BEAN1: variants seen among roughly 807,000 people sequenced by gnomAD.
The protein encoded by BEAN1 is protein BEAN1.
In BEAN1, 17 loss-of-function variants were observed where a neutral mutation model predicts 17.7. That is an observed-to-expected ratio of 0.96 (90% CI 0.66 to 1.44). The LOEUF is 1.44. BEAN1 is among the 40% of genes most tolerant of loss of function. BEAN1 has a pLI of 0.00. For synonymous variants in BEAN1, 142 were observed against 151.8 expected, an observed-to-expected ratio of 0.94 and a Z score of 0.47; for missense variants, 359 against 374.1, an observed-to-expected ratio of 0.96 and a Z score of 0.33.
exon 5 of BEAN1, chr16:66,493,144 T>C: frequency 1.4e-6 from 1 of 702,974 alleles, no homozygotes; most frequent in South Asian, 1.5e-5. Context: ...GGGTCTCATG[T>C]GAAGCCGTTC....
At position 66,475,371 on chromosome 16, in the gene BEAN1, C is replaced by T. The variant is rs141621501; in HGVS notation, c.290-2189C>T. Among the ~76,000 whole-genome samples the T allele has an allele frequency of 4.2e-3, 646 of 152,348 alleles. 3 individuals carry two copies. Among genetic ancestry groups the T allele is most frequent in the Middle Eastern group, 0.017 (5 of 294 alleles). On this transcript the variant is annotated intron_variant, in intron 3 of 4. Transcript: ENST00000536005. ...CAGCCCAAGAAGAAAGGGTAGATAGCAGTTTGCTCCAGCTCTAACAGCCCT... is the reference window on the plus strand; with the variant it reads ...CAGCCCAAGAAGAAAGGGTAGATAGTAGTTTGCTCCAGCTCTAACAGCCCT...
chr16:66,479,874 G>C (rs1223872573), intron 4 of BEAN1, among the ~76,000 whole-genome samples: 1 of 152,042 alleles, frequency 6.6e-6, no homozygotes, highest in Non-Finnish European at 1.5e-5. Context: ...CTGCCCTCAG[G>C]GCCCTCAAGC....
At chr16:66,452,084 A>T (rs940336048) in intron 2 of BEAN1, among the ~76,000 whole-genome samples, 2 of 152,204 alleles carry the variant, frequency 1.3e-5, no homozygotes, top group Admixed American at 1.3e-4. Context: ...TCCACATGCC[A>T]TGAACCTCAT....
At chr16:66,494,343 C>A (rs1325080785), downstream of BEAN1, among the ~76,000 whole-genome samples, 1 of 152,142 alleles carries the variant, frequency 6.6e-6, no homozygotes, top group African/African-American at 2.4e-5. Context: ...CTTGTGTGAC[C>A]TTGGGCAACT....
intron 2 of BEAN1, among the ~76,000 whole-genome samples, chr16:66,469,006 C>T (rs1963362656): frequency 3.9e-5 from 6 of 152,180 alleles, no homozygotes; most frequent in Admixed American, 3.3e-4. Flanking sequence ...GAATGCCTCT[C>T]CCTGCCTTCC....
At chr16:66,449,437 G>A (rs1476906037) in intron 2 of BEAN1, among the ~76,000 whole-genome samples, 2 of 151,726 alleles carry the variant, frequency 1.3e-5, no homozygotes, top group African/African-American at 2.4e-5. Flanking sequence ...GAGAAACCCC[G>A]TCTCTACTAA....
At chr16:66,447,489 A>G (rs1567489141) in intron 2 of BEAN1, among the ~76,000 whole-genome samples, 1 of 152,136 alleles carries the variant, frequency 6.6e-6, no homozygotes, top group Non-Finnish European at 1.5e-5. Flanking sequence ...TTTATCCTAC[A>G]GTGACTGTTG....
At chr16:66,480,412 G>A (rs1597050235) in intron 4 of BEAN1, among the ~76,000 whole-genome samples, 174 bp from the exon 5 acceptor site, 1 of 152,170 alleles carries the variant, frequency 6.6e-6, no homozygotes, top group Non-Finnish European at 1.5e-5. Flanking sequence ...GGGTTCTGAG[G>A]TCCCCCTCTG....
chr16:66,472,886 A>G (rs144391534), intron 3 of BEAN1, among the ~76,000 whole-genome samples: 396 of 151,246 alleles, frequency 2.6e-3, no homozygotes, highest in African/African-American at 9.1e-3. Context: ...TCCAGGTGTG[A>G]TGGCACATGC....
At chr16:66,465,506 A>G (rs897211989) in intron 2 of BEAN1, among the ~76,000 whole-genome samples, 7 of 152,218 alleles carry the variant, frequency 4.6e-5, no homozygotes, top group Admixed American at 4.6e-4. Flanking sequence ...GATAAAATAT[A>G]TGTAACATAA....
At chr16:66,454,358 C>A (rs1962787350) in intron 2 of BEAN1, among the ~76,000 whole-genome samples, 1 of 152,206 alleles carries the variant, frequency 6.6e-6, no homozygotes, top group African/African-American at 2.4e-5. Context: ...GTTGAATTAT[C>A]TATATCTTCT....
chr16:66,451,303 A>G (rs1026359909), intron 2 of BEAN1: 1 of 152,288 alleles, frequency 6.6e-6, no homozygotes, highest in Admixed American at 6.5e-5. Flanking sequence ...AATGATGAAT[A>G]TATTTAGAGA....
At chr16:66,476,060 A>G (rs1963729984) in intron 3 of BEAN1, among the ~76,000 whole-genome samples, 1 of 151,288 alleles carries the variant, frequency 6.6e-6, no homozygotes, top group South Asian at 2.1e-4. Flanking sequence ...CAGTGAGCTG[A>G]GATCGCGCCA....
chr16:66,470,204 A>ATGGT, intron 3 of BEAN1: 1 of 435,728 alleles, frequency 2.3e-6, no homozygotes, highest in Non-Finnish European at 4.2e-6. Flanking sequence ...GGATGGATGG[A>ATGGT]TGGATGGATG....
intron 2 of BEAN1, among the ~76,000 whole-genome samples, chr16:66,455,657 T>TG: frequency 6.6e-6 from 1 of 151,804 alleles, no homozygotes; most frequent in South Asian, 2.1e-4. Context: ...TAGTGGACAA[T>TG]ACCTGCAGCA....
intron 3 of BEAN1, 103 bp downstream of exon 3, chr16:66,469,968 G>T: frequency 1.4e-6 from 2 of 1,417,572 alleles, no homozygotes; most frequent in South Asian, 1.4e-5. Flanking sequence ...GGAGCAGGGT[G>T]GTCGGGAAAG....
intron 3 of BEAN1, among the ~76,000 whole-genome samples, chr16:66,474,606 G>GGAAGGAAGGGAGGA (rs1259572958): frequency 3.4e-4 from 4 of 11,702 alleles, no homozygotes; most frequent in Non-Finnish European, 7.5e-4. Context: ...GGGAGGGAGA[G>GGAAGGAAGGGAGGA]AGGGAGGGAG....
chr16:66,437,668 A>T lies in BEAN1; in HGVS notation c.-9A>T. On this transcript the variant is annotated 5_prime_UTR_variant, in exon 2 of 5. Transcript: ENST00000536005. ...CAGGCTGGCTCCGCTGTTCTGCTCC[A>T]AGGATTACATGTCCTTCAAACGTCC... 6.5e-7 allele frequency: 1 copy of T among 1,535,960 alleles called. No individual in the cohort carries two copies. Among genetic ancestry groups the T allele is most frequent in the Non-Finnish European group, 8.7e-7 (1 of 1,146,794 alleles).
At chr16:66,431,510 C>T (rs546155002) in intron 1 of BEAN1, among the ~76,000 whole-genome samples, 63 of 152,192 alleles carry the variant, frequency 4.1e-4, no homozygotes, top group Non-Finnish European at 7.9e-4. Context: ...CCCACCATCG[C>T]CCAGAGAGCA....
Sources: gnomAD v4.1 joint callset for allele counts (sites outside exome capture counted in the v4.1 genomes callset) on GRCh38, gnomAD v4.1.1 for gene constraint, MANE v1.5 for transcripts, NCBI Gene and HGNC (gene_info 2026-07-23, HGNC 2026-07-21) for gene names.